Variants in ADAP1 observed in about 807,000 individuals in gnomAD.
The protein encoded by ADAP1 is ArfGAP with dual PH domains 1, also known as arf-GAP with dual PH domain-containing protein 1.
A neutral mutation model predicts 54.9 loss-of-function variants in ADAP1; 31 were observed. The ratio of observed to expected loss-of-function variants is 0.56; its 90% CI spans 0.42 to 0.76. The LOEUF (loss-of-function observed/expected upper bound fraction) is 0.76. ADAP1 is among the 30% of genes least tolerant of loss of function. The probability of loss-of-function intolerance (pLI) is 0.00; values close to 1 mark genes in which losing one functional copy is unlikely to be tolerated. For missense variants in ADAP1, 535 were observed against 512.4 expected, an observed-to-expected ratio of 1.04 and a Z score of -0.42; for synonymous variants, 313 against 202.6, an observed-to-expected ratio of 1.55 and a Z score of -4.63.
At position 920,375 on chromosome 7, in the gene ADAP1, G is replaced by T. The variant is rs1412677902; in HGVS notation, c.306-325C>A. On this transcript the variant is annotated intron_variant, in intron 3 of 10. Coordinates refer to ENST00000265846, the MANE Select transcript of ADAP1 (RefSeq NM_006869.4). The surrounding 1 kb of genome is among the most constrained non-coding windows in gnomAD (Gnocchi z 4.5). Reference sequence around the variant, plus strand: ...CTTGGCCTCAGCTGATGCCCCACAGGGCTGGGGTACAGGGGTTGAGCCAGG... The same window carrying T: ...CTTGGCCTCAGCTGATGCCCCACAGTGCTGGGGTACAGGGGTTGAGCCAGG... Among the ~76,000 whole-genome samples, 1 of 152,062 alleles carries T rather than the reference G, an allele frequency of 6.6e-6. No individual in the cohort carries two copies. Among genetic ancestry groups the T allele is most frequent in the African/African-American group, 2.4e-5 (1 of 41,404 alleles).
chr7:951,908 CCT>C (rs1473665167), intron 1 of ADAP1, among the ~76,000 whole-genome samples: 299 of 152,296 alleles, frequency 2.0e-3, no homozygotes, highest in African/African-American at 7.1e-3. Context: ...CTCAAGCGAT[CCT>C]CCGGCCTCGG....
intron 4 of ADAP1, among the ~76,000 whole-genome samples, chr7:914,583 G>A (rs1383737118): frequency 2.0e-5 from 3 of 152,222 alleles, no homozygotes; most frequent in East Asian, 3.9e-4. Context: ...GGGAGGCTCG[G>A]GGGGTCCCTG....
At position 899,550 on chromosome 7, in the gene ADAP1, G is replaced by T; in HGVS notation, c.796-60C>A. The T allele has an allele frequency of 3.2e-6, 5 of 1,566,610 alleles. No individual in the cohort carries two copies. The South Asian group carries it at 3.5e-5, about 11-fold the overall frequency. On this transcript the variant is annotated intron_variant, in intron 8 of 10. Transcript: ENST00000265846. ...GCCGAGGCAGGCCCTACATCCAGCT[G>T]ACCACAGCACACCCCGGAGGGCAGG...
intron 1 of ADAP1, among the ~76,000 whole-genome samples, chr7:949,253 C>T (rs113060200): frequency 0.015 from 2,304 of 152,340 alleles, 48 homozygotes; most frequent in African/African-American, 0.044. Flanking sequence ...CTGCCTCCCC[C>T]GGGCACATGA....
rs1428146993 is a variant in ADAP1, at chr7:945,758, C to G, written c.82+8638G>C. The G allele has an allele frequency of 1.0e-6, 1 of 985,832 alleles. No individual in the cohort carries two copies. Among genetic ancestry groups the G allele is most frequent in the Non-Finnish European group, 1.2e-6 (1 of 830,192 alleles). 61.1% of individuals were successfully genotyped at this position (985,832 alleles called of 1,614,324 possible). ...TCCCTCCTCCCAGCCCCGCTCTGCC[C>G]TACCTGCTCCCAGGACGCCCGAGGT... On this transcript the variant is annotated intron_variant, in intron 1 of 10. Transcript: ENST00000265846. This position sits in a 1 kb window ranked among gnomAD's most constrained non-coding sequence, Gnocchi z 4.2.
chr7:899,906 G>A (rs1450030602), intron 8 of ADAP1, among the ~76,000 whole-genome samples, 196 bp downstream of exon 8: 1 of 152,220 alleles, frequency 6.6e-6, no homozygotes, highest in Non-Finnish European at 1.5e-5. Context: ...TGAGCGGGCA[G>A]GGAGGGTCTA....
chr7:900,041 A>G, intron 8 of ADAP1, 61 bp downstream of exon 8: 1 of 1,589,596 alleles, frequency 6.3e-7, no homozygotes, highest in Non-Finnish European at 8.6e-7. Flanking sequence ...GCTGCACTTC[A>G]GTCCGAGACC....
intron 4 of ADAP1, among the ~76,000 whole-genome samples, chr7:906,647 A>G (rs1232510946): frequency 5.4e-5 from 6 of 111,264 alleles, no homozygotes; most frequent in East Asian, 6.5e-4. Context: ...AGAAAGGGAA[A>G]GGAGAAAGGG....
rs567699908 is a variant in ADAP1, at chr7:926,059, G to A, written c.305+494C>T. On this transcript the variant is annotated intron_variant, in intron 3 of 10. Transcript: ENST00000265846. The surrounding 1 kb of genome is among the most constrained non-coding windows in gnomAD (Gnocchi z 4.6). ...TGGAGGGGCGGGTGTTGGTGAAGGC[G>A]GCTGATGTGATACCGAGCAGGCCTC... Among the ~76,000 whole-genome samples the A allele has an allele frequency of 1.6e-4, 25 of 152,194 alleles. No homozygotes were observed. Among genetic ancestry groups the A allele is most frequent in the Middle Eastern group, 3.4e-3 (1 of 294 alleles).
chr7:911,258 A>G (rs945528010), intron 4 of ADAP1, among the ~76,000 whole-genome samples: 2 of 152,078 alleles, frequency 1.3e-5, no homozygotes, highest in Non-Finnish European at 2.9e-5. Context: ...CTATTCTCAT[A>G]TAGCCCCCAG....
chr7:912,619 G>C (rs1845769950), intron 4 of ADAP1, among the ~76,000 whole-genome samples: 1 of 152,224 alleles, frequency 6.6e-6, no homozygotes, highest in African/African-American at 2.4e-5. Context: ...ATCTTGGGGA[G>C]ACACAGCGGC....
chr7:901,935 C>T (rs888182534), intron 6 of ADAP1, among the ~76,000 whole-genome samples: 2 of 152,062 alleles, frequency 1.3e-5, no homozygotes, highest in Non-Finnish European at 2.9e-5. Context: ...GGAAAATCGC[C>T]CCTTTTCCCC....
At position 926,773 on chromosome 7, in the gene ADAP1, G is replaced by A; in HGVS notation, c.214-129C>T. The A allele has an allele frequency of 2.5e-6, 2 of 790,742 alleles. No individual in the cohort carries two copies. Among genetic ancestry groups the A allele is most frequent in the Admixed American group, 3.4e-5 (1 of 29,600 alleles). 49.0% of individuals were successfully genotyped at this position (790,742 alleles called of 1,614,324 possible). On this transcript the variant is annotated intron_variant, in intron 2 of 10. Transcript: ENST00000265846. The surrounding 1 kb of genome is among the most constrained non-coding windows in gnomAD (Gnocchi z 4.6). ...GGCTCTGAGGGCTCCACCAGCACCA[G>A]GACGGGAACGCCACCTCCTCCTGCC...
chr7:904,812 C>A (rs557869439), intron 5 of ADAP1, among the ~76,000 whole-genome samples: 141 of 152,360 alleles, frequency 9.3e-4, no homozygotes, highest in African/African-American at 3.2e-3. Flanking sequence ...CACGGCTGGG[C>A]CTGAGTTCAG....
intron 6 of ADAP1, among the ~76,000 whole-genome samples, chr7:903,465 G>C (rs780654934): frequency 3.3e-5 from 5 of 152,180 alleles, no homozygotes; most frequent in Non-Finnish European, 5.9e-5. Context: ...TGTTTCTCAA[G>C]ATTTAGGAAC....
intron 4 of ADAP1, chr7:905,392 A>AAAGGAGAAAGG (rs1562911626): frequency 2.0e-5 from 4 of 201,734 alleles, no homozygotes; most frequent in Admixed American, 1.4e-4. Flanking sequence ...AGGAGAAAGG[A>AAAGGAGAAAGG]GAAAGGAGAA....
chr7:945,387 C>T lies in ADAP1; in HGVS notation c.82+9009G>A, dbSNP rs539711012. ...AGCCTCTCCCTAAGCCTGGGCTGCA[C>T]TCCAGCTGCCCCCTCCACTCGGGGC... is the stretch of plus-strand genomic sequence containing the variant. On this transcript the variant is annotated intron_variant, in intron 1 of 10. Coordinates refer to ENST00000265846, the MANE Select transcript of ADAP1 (RefSeq NM_006869.4). This position sits in a 1 kb window ranked among gnomAD's most constrained non-coding sequence, Gnocchi z 4.2. Among the ~76,000 whole-genome samples the T allele has an allele frequency of 1.1e-4, 16 of 152,362 alleles. No homozygotes were observed. The highest frequency in any genetic ancestry group is 3.8e-4 in the African/African-American group (16 of 41,592).
chr7:932,132 G>A (rs746884362), intron 2 of ADAP1, among the ~76,000 whole-genome samples: 15 of 152,334 alleles, frequency 9.8e-5, no homozygotes, highest in East Asian at 3.9e-4. Context: ...ACCAGTGAAC[G>A]TGCAGACAAC....
At chr7:935,320 C>G in intron 2 of ADAP1, 55 bp downstream of exon 2, 2 of 1,534,304 alleles carry the variant, frequency 1.3e-6, no homozygotes, top group Non-Finnish European at 1.8e-6. Context: ...TCCAGAGGCC[C>G]GGGCTGAGGC....
Sources: allele counts gnomAD v4.1 joint callset (sites outside exome capture counted in the v4.1 genomes callset), GRCh38; gene constraint gnomAD v4.1.1; non-coding constraint Gnocchi (gnomAD v3.1); transcripts MANE v1.5; gene names NCBI Gene and HGNC (gene_info 2026-07-23, HGNC 2026-07-21).